The following ATXN8OS variants were observed in gnomAD, a reference collection of about 807,000 sequenced individuals.
ATXN8OS encodes the protein ATXN8 opposite strand (non-protein coding).
intron 4 of ATXN8OS, among the ~76,000 whole-genome samples, chr13:70,160,088 C>T (rs1593777450): frequency 6.6e-6 from 1 of 152,098 alleles, no homozygotes; most frequent in Non-Finnish European, 1.5e-5. Flanking sequence ...GCATATTTAA[C>T]TTAAAATAGA....
At chr13:70,128,721 T>G (rs1449189462) in intron 2 of ATXN8OS, among the ~76,000 whole-genome samples, 1 of 152,096 alleles carries the variant, frequency 6.6e-6, no homozygotes, top group Non-Finnish European at 1.5e-5. Flanking sequence ...TTTTGTATAC[T>G]AAAATATTGA....
chr13:70,160,402 C>A lies in ATXN8OS; in HGVS notation n.574-9351C>A, dbSNP rs572265587. Among the ~76,000 whole-genome samples, 359 of 151,936 alleles carry A rather than the reference C, an allele frequency of 2.4e-3. 1 individual carries two copies. Among genetic ancestry groups the A allele is most frequent in the African/African-American group, 8.4e-3 (350 of 41,506 alleles). On this transcript the variant is annotated intron_variant and non_coding_transcript_variant, in intron 4 of 4. Coordinates refer to ENST00000678624, the Ensembl canonical transcript of ATXN8OS. ...CTCACAGCTCCAGAAGCTAAGCAGT[C>A]CAAGATCAAAGTGCCCACAGATGCA...
chr13:70,154,040 A>C (rs964126588), intron 4 of ATXN8OS, among the ~76,000 whole-genome samples: 26 of 151,988 alleles, frequency 1.7e-4, no homozygotes, highest in African/African-American at 6.3e-4. Context: ...TTCATTCTCA[A>C]ATGGTCTCTA....
chr13:70,131,338 GT>G, intron 3 of ATXN8OS: 1 of 398,388 alleles, frequency 2.5e-6, no homozygotes, highest in Non-Finnish European at 4.4e-6. Context: ...CCATAAATCA[GT>G]TTTTTCCTCT....
chr13:70,113,590 A>G (rs73520649), intron 1 of ATXN8OS, among the ~76,000 whole-genome samples: 6,303 of 152,250 alleles, frequency 0.041, 444 homozygotes, highest in African/African-American at 0.14. Flanking sequence ...GTAAGATTAT[A>G]GTTTATAAAA....
At chr13:70,121,355 G>T (rs2137475661) in intron 2 of ATXN8OS, among the ~76,000 whole-genome samples, 1 of 152,202 alleles carries the variant, frequency 6.6e-6, no homozygotes, top group African/African-American at 2.4e-5. Flanking sequence ...TAGTGTTAGA[G>T]AGTTTTATTT....
intron 2 of ATXN8OS, among the ~76,000 whole-genome samples, chr13:70,118,432 G>C (rs770536347): frequency 2.0e-5 from 3 of 152,060 alleles, no homozygotes; most frequent in Non-Finnish European, 4.4e-5. Flanking sequence ...CAGATATAAT[G>C]CATTATAAAG....
intron 2 of ATXN8OS, among the ~76,000 whole-genome samples, chr13:70,118,591 A>T (rs551119124): frequency 2.0e-5 from 3 of 152,092 alleles, no homozygotes; most frequent in Middle Eastern, 3.4e-3. Context: ...GAGACTGGAA[A>T]TTTTTTTAAA....
chr13:70,128,997 A>C (rs1888485924), intron 2 of ATXN8OS, among the ~76,000 whole-genome samples: 1 of 152,026 alleles, frequency 6.6e-6, no homozygotes, highest in Admixed American at 6.6e-5. Context: ...AGTAGCTGGG[A>C]TTACAGGCAT....
rs114749843 is a variant in ATXN8OS at position 70,153,293 on chromosome 13, G to T, written n.573+5865G>T. On this transcript the variant is annotated intron_variant and non_coding_transcript_variant, in intron 4 of 4. Coordinates refer to ENST00000678624, the Ensembl canonical transcript of ATXN8OS. The stretch of plus-strand genomic sequence containing the variant: ...TTGACATCATATTGAAAACGATCCT[G>T]TCTGGGTGCAGTGGCTCACGCCTAT... 6.2e-3 allele frequency among the ~76,000 whole-genome samples: 945 copies of T among 152,202 alleles called. 8 individuals are homozygous for T. Among genetic ancestry groups the T allele is most frequent in the African/African-American group, 0.02 (817 of 41,518 alleles).
chr13:70,120,803 C>A (rs1305361752), intron 2 of ATXN8OS, among the ~76,000 whole-genome samples: 3 of 151,886 alleles, frequency 2.0e-5, no homozygotes, highest in Non-Finnish European at 4.4e-5. Flanking sequence ...CCATCATTCT[C>A]AGCAAACTAT....
At chr13:70,155,804 A>T (rs1380099695) in intron 4 of ATXN8OS, among the ~76,000 whole-genome samples, 1 of 151,922 alleles carries the variant, frequency 6.6e-6, no homozygotes, top group East Asian at 1.9e-4. Context: ...AGACAAAAAA[A>T]AAATGAAAAG....
At chr13:70,107,567 T>A, upstream of ATXN8OS, 4 of 1,606,936 alleles carry the variant, frequency 2.5e-6, no homozygotes, top group Non-Finnish European at 3.4e-6. Context: ...TGCTCAAAGC[T>A]GCCACTGCCG....
intron 4 of ATXN8OS, among the ~76,000 whole-genome samples, chr13:70,169,032 T>C (rs551177144): frequency 2.0e-5 from 3 of 152,258 alleles, no homozygotes; most frequent in South Asian, 2.1e-4. Flanking sequence ...AGAACAGACC[T>C]AGTTTTGTTT....
At chr13:70,143,223 A>T (rs1262686722) in intron 3 of ATXN8OS, among the ~76,000 whole-genome samples, 2 of 152,094 alleles carry the variant, frequency 1.3e-5, no homozygotes, top group Non-Finnish European at 2.9e-5. Context: ...TTCTATTTAC[A>T]TCCTTCTTTT....
At position 70,147,844 on chromosome 13, in the gene ATXN8OS, G is replaced by A. The variant is rs117220157; in HGVS notation, n.573+416G>A. 3.9e-3 allele frequency among the ~76,000 whole-genome samples: 601 copies of A among 152,232 alleles called. 2 individuals are homozygous for A. Among genetic ancestry groups the A allele is most frequent in the Admixed American group, 7.2e-3 (110 of 15,270 alleles). Reference sequence around the variant, plus strand: ...CTAAGAACATGTGCCCAAGATGGCTGGGATACAGTTTGATTTTATACATTT... The same window carrying A: ...CTAAGAACATGTGCCCAAGATGGCTAGGATACAGTTTGATTTTATACATTT... On this transcript the variant is annotated intron_variant and non_coding_transcript_variant, in intron 4 of 4. Transcript: ENST00000678624.
chr13:70,145,342 T>C (rs1888767476), intron 3 of ATXN8OS, among the ~76,000 whole-genome samples: 1 of 151,908 alleles, frequency 6.6e-6, no homozygotes. Context: ...GGGCTCTTTT[T>C]TGGTTCCATA....
At chr13:70,123,750 T>C (rs565641400) in intron 2 of ATXN8OS, among the ~76,000 whole-genome samples, 1 of 152,266 alleles carries the variant, frequency 6.6e-6, no homozygotes, top group South Asian at 2.1e-4. Context: ...GAGTTATTTG[T>C]ACACAGAAAA....
chr13:70,141,717 C>A (rs1469355995), intron 3 of ATXN8OS, among the ~76,000 whole-genome samples: 3 of 152,062 alleles, frequency 2.0e-5, no homozygotes, highest in Non-Finnish European at 4.4e-5. Flanking sequence ...CTGATTATAA[C>A]ATTTTTATTC....
Sources: allele counts gnomAD v4.1 joint callset (sites outside exome capture counted in the v4.1 genomes callset), GRCh38; gene constraint gnomAD v4.1.1; transcripts MANE v1.5; gene names NCBI Gene and HGNC (gene_info 2026-07-23, HGNC 2026-07-21).